Variants in FAF1 observed in about 807,000 individuals in gnomAD.
FAF1 encodes the protein Fas associated factor 1.
In FAF1, 25 loss-of-function variants were observed where a neutral mutation model predicts 92.5. That is an observed-to-expected ratio of 0.27 (90% CI 0.20 to 0.38). The LOEUF is 0.38. FAF1 is among the 10% of genes least tolerant of loss of function. FAF1 has a pLI of 1.00. For missense variants in FAF1, 636 were observed against 793.3 expected (o/e 0.80, Z 2.38); for synonymous variants, 234 against 273.2 (o/e 0.86, Z 1.42).
At position 50,591,200 on chromosome 1, in the gene FAF1, T is replaced by C. The variant is rs550662717; in HGVS notation, c.840+4921A>G. On this transcript the variant is annotated intron_variant, in intron 9 of 18. Coordinates refer to ENST00000396153, the MANE Select transcript of FAF1 (RefSeq NM_007051.3). ...ATGATGACGTGTTTTTTTCCTTCAT[T>C]CTGTAAATGTGCTGTATTACATTGA... 2.6e-4 allele frequency among the ~76,000 whole-genome samples: 39 copies of C among 152,316 alleles called. No individual in the cohort carries two copies. In the South Asian group the frequency reaches 7.5e-3, roughly 29 times the overall value.
chr1:50,807,836 T>C (rs2124601174), intron 2 of FAF1, among the ~76,000 whole-genome samples: 1 of 152,236 alleles, frequency 6.6e-6, no homozygotes, highest in Admixed American at 6.5e-5. Context: ...GGAAAACATG[T>C]TTTAGAGTGT....
At chr1:50,452,048 T>C (rs1557950166) in intron 18 of FAF1, 1 of 1,318,222 alleles carries the variant, frequency 7.6e-7, no homozygotes, top group Non-Finnish European at 9.9e-7. Context: ...GAGGGGATTC[T>C]ATTAAGAATG....
At chr1:50,492,597 A>C (rs559660863) in intron 15 of FAF1, among the ~76,000 whole-genome samples, 4 of 152,172 alleles carry the variant, frequency 2.6e-5, no homozygotes, top group African/African-American at 9.6e-5. Context: ...TTAATAATAA[A>C]TACCCACACC....
At chr1:50,782,514 C>T (rs1409229703) in intron 4 of FAF1, among the ~76,000 whole-genome samples, 2 of 151,846 alleles carry the variant, frequency 1.3e-5, no homozygotes, top group Admixed American at 1.3e-4. Context: ...GTGTTCTCAG[C>T]AAGGTGTTAT....
Position 50,547,417 on chromosome 1 carries a change from A to ATTT in FAF1, c.1269-7692_1269-7690dup, listed in dbSNP as rs34513367. 7.8e-3 allele frequency among the ~76,000 whole-genome samples: 1,135 copies of ATTT among 146,250 alleles called. 13 individuals are homozygous for ATTT. Among genetic ancestry groups the ATTT allele is most frequent in the African/African-American group, 0.027 (1,097 of 40,102 alleles). On this transcript the variant is annotated intron_variant, in intron 13 of 18. Coordinates refer to ENST00000396153, the MANE Select transcript of FAF1 (RefSeq NM_007051.3). Reference sequence around the variant, plus strand: ...AGTCAGAGTTTTAAAAAGCCACGTAATTTTTTTTTTTTTGAGATGGAGTTT... The same window carrying ATTT: ...AGTCAGAGTTTTAAAAAGCCACGTAATTTTTTTTTTTTTTTTGAGATGGAGTTT...
chr1:50,641,877 A>T (rs1274696613), intron 8 of FAF1, among the ~76,000 whole-genome samples: 1 of 152,106 alleles, frequency 6.6e-6, no homozygotes, highest in Non-Finnish European at 1.5e-5. Context: ...CCTTTTAATT[A>T]TTACAGAATC....
intron 4 of FAF1, among the ~76,000 whole-genome samples, chr1:50,773,428 T>C (rs1660840878): frequency 6.6e-6 from 1 of 152,242 alleles, no homozygotes; most frequent in Non-Finnish European, 1.5e-5. Flanking sequence ...GAACAATCTA[T>C]GTGCCCGTCA....
chr1:50,498,765 G>A (rs1646940371), intron 15 of FAF1, among the ~76,000 whole-genome samples: 1 of 151,710 alleles, frequency 6.6e-6, no homozygotes, highest in South Asian at 2.1e-4. Flanking sequence ...CAGAAGAATT[G>A]CTTGAACTCG....
chr1:50,572,993 T>A (rs1437919226), intron 12 of FAF1, among the ~76,000 whole-genome samples: 2 of 151,806 alleles, frequency 1.3e-5, no homozygotes, highest in Non-Finnish European at 2.9e-5. Context: ...CCTGCGAAGG[T>A]GATACTTGAG....
At chr1:50,776,036 CA>C (rs1156783918) in intron 4 of FAF1, among the ~76,000 whole-genome samples, 1 of 152,056 alleles carries the variant, frequency 6.6e-6, no homozygotes, top group African/African-American at 2.4e-5. Context: ...CATATAATAA[CA>C]ATATCTGATT....
intron 4 of FAF1, among the ~76,000 whole-genome samples, chr1:50,750,918 T>C (rs1469713903): frequency 6.6e-6 from 1 of 151,476 alleles, no homozygotes; most frequent in Non-Finnish European, 1.5e-5. Flanking sequence ...CCACCGCACC[T>C]GGCCAGATTT....
At chr1:50,577,432 G>C (rs1650803009) in intron 12 of FAF1, among the ~76,000 whole-genome samples, 1 of 152,180 alleles carries the variant, frequency 6.6e-6, no homozygotes, top group African/African-American at 2.4e-5. Flanking sequence ...GGCTGAGGCA[G>C]GAGAATCGCT....
intron 2 of FAF1, among the ~76,000 whole-genome samples, chr1:50,832,446 G>A (rs1229124528): frequency 6.6e-6 from 1 of 152,200 alleles, no homozygotes; most frequent in African/African-American, 2.4e-5. Flanking sequence ...TCTCTTGATT[G>A]CCTGGGCTAG....
chr1:50,467,786 C>T (rs1646516854), intron 18 of FAF1, among the ~76,000 whole-genome samples: 1 of 152,110 alleles, frequency 6.6e-6, no homozygotes, highest in Non-Finnish European at 1.5e-5. Flanking sequence ...CTCTTTTGTG[C>T]CTCAGTTTCC....
chr1:50,914,183 TCA>T (rs1422221346), intron 1 of FAF1, among the ~76,000 whole-genome samples: 4 of 152,210 alleles, frequency 2.6e-5, no homozygotes, highest in Non-Finnish European at 5.9e-5. Context: ...CAGCCACATT[TCA>T]CAGAAATATC....
At chr1:50,726,431 T>C (rs1417689900) in intron 6 of FAF1, among the ~76,000 whole-genome samples, 1 of 152,126 alleles carries the variant, frequency 6.6e-6, no homozygotes, top group Non-Finnish European at 1.5e-5. Context: ...GCACGGTAGC[T>C]CACGCCTGTA....
intron 18 of FAF1, among the ~76,000 whole-genome samples, chr1:50,472,368 TACACACAC>T (rs71850142): frequency 0.18 from 21,991 of 123,796 alleles, 1,731 homozygotes; most frequent in Middle Eastern, 0.24. Flanking sequence ...GGGGAAAACA[TACACACAC>T]ACACACACAC....
At chr1:50,833,019 T>A (rs1052183801) in intron 2 of FAF1, among the ~76,000 whole-genome samples, 1 of 152,134 alleles carries the variant, frequency 6.6e-6, no homozygotes, top group Non-Finnish European at 1.5e-5. Flanking sequence ...TATGGCCTTT[T>A]TTTCCCCCTT....
chr1:50,711,464 T>A (rs74080051), intron 6 of FAF1, among the ~76,000 whole-genome samples: 82 of 45,908 alleles, frequency 1.8e-3, no homozygotes, highest in African/African-American at 0.011. Flanking sequence ...CCACACTGAC[T>A]TTTTTTTTTT....
Sources: gnomAD v4.1 joint callset for allele counts (sites outside exome capture counted in the v4.1 genomes callset) on GRCh38, gnomAD v4.1.1 for gene constraint, MANE v1.5 for transcripts, NCBI Gene and HGNC (gene_info 2026-07-23, HGNC 2026-07-21) for gene names.